SAXO5: variants seen among roughly 807,000 people sequenced by gnomAD.
The protein encoded by SAXO5 is stabilizer of axonemal microtubules 5, also known as testis expressed 45.
At chr19:7,501,534 G>A in the SAXO5 span, 15 of 1,061,548 alleles carry the variant, frequency 1.4e-5, no homozygotes, top group African/African-American at 5.1e-5. Flanking sequence ...TCAGGACTTG[G>A]GGGGTGGCCG....
chr19:7,501,242 C>T, the SAXO5 span: 2 of 1,555,816 alleles, frequency 1.3e-6, no homozygotes, highest in South Asian at 1.2e-5. Flanking sequence ...TGCCGGCGCG[C>T]ACCCGAGAGC....
chr19:7,504,330 T>G, the SAXO5 span: 3 of 1,614,178 alleles, frequency 1.9e-6, no homozygotes, highest in East Asian at 6.7e-5. Context: ...GGAGTGGAGC[T>G]GGGAGACTGC....
the SAXO5 span, chr19:7,504,435 CG>C: frequency 1.3e-6 from 2 of 1,588,316 alleles, no homozygotes; most frequent in Non-Finnish European, 8.6e-7. Flanking sequence ...ACTGCGGGCA[CG>C]GTGGCTCATG....
the SAXO5 span, chr19:7,506,170 G>C: frequency 6.3e-7 from 1 of 1,580,704 alleles, no homozygotes; most frequent in Non-Finnish European, 8.6e-7. Context: ...CGGGCGGTGA[G>C]CGCTCCCGGG....
the SAXO5 span, among the ~76,000 whole-genome samples, chr19:7,507,336 G>C: frequency 6.6e-6 from 1 of 152,042 alleles, no homozygotes; most frequent in Non-Finnish European, 1.5e-5. Flanking sequence ...TAATCCCAGC[G>C]CTTTGGGAGG....
the SAXO5 span, chr19:7,507,061 G>T: frequency 1.2e-6 from 2 of 1,613,868 alleles, no homozygotes; most frequent in South Asian, 2.2e-5. Context: ...TCCAGAATTC[G>T]ATTTTTTAAC....
At chr19:7,506,385 C>A in the SAXO5 span, 3 of 619,924 alleles carry the variant, frequency 4.8e-6, no homozygotes, top group Admixed American at 2.5e-5. Flanking sequence ...GGCTAAATCC[C>A]ACCCCCAATT....
At chr19:7,501,336 C>A in the SAXO5 span, 2 of 1,564,354 alleles carry the variant, frequency 1.3e-6, no homozygotes, top group South Asian at 1.1e-5. Context: ...GCCCACCACG[C>A]ACCAGGCGCT....
chr19:7,498,435 T>G, the SAXO5 span, among the ~76,000 whole-genome samples: 3 of 148,934 alleles, frequency 2.0e-5, no homozygotes, highest in African/African-American at 7.4e-5. Flanking sequence ...TCGCTCTTGT[T>G]GCCCAGGCTG....
the SAXO5 span, chr19:7,503,972 G>A: frequency 1.8e-6 from 1 of 566,212 alleles, no homozygotes; most frequent in South Asian, 2.7e-5. Context: ...TTATCTTTTG[G>A]TGTTTGCCAG....
At chr19:7,504,681 G>A in the SAXO5 span, among the ~76,000 whole-genome samples, 1 of 148,330 alleles carries the variant, frequency 6.7e-6, no homozygotes, top group East Asian at 2.0e-4. Flanking sequence ...ACTCCAGCCT[G>A]TTCGACAGAG....
chr19:7,506,242 G>T, the SAXO5 span: 1 of 585,760 alleles, frequency 1.7e-6, no homozygotes, highest in South Asian at 2.7e-5. Flanking sequence ...CGCCCCCATG[G>T]AGCCCCTCCC....
the SAXO5 span, chr19:7,505,994 C>T: frequency 2.9e-5 from 46 of 1,596,940 alleles, no homozygotes; most frequent in East Asian, 9.9e-4. Context: ...ACCCAGCCGC[C>T]ACGTGCCTCA....
At chr19:7,507,773 A>G in the SAXO5 span, among the ~76,000 whole-genome samples, 1 of 151,810 alleles carries the variant, frequency 6.6e-6, no homozygotes, top group Non-Finnish European at 1.5e-5. Flanking sequence ...CTTCTTATCC[A>G]GCTCCTCATT....
At chr19:7,508,136 C>G in the SAXO5 span, 1 of 1,340,742 alleles carries the variant, frequency 7.5e-7, no homozygotes, top group South Asian at 1.3e-5. Flanking sequence ...GCCTGGAGAT[C>G]CTGGGGTGGA....
the SAXO5 span, chr19:7,507,111 G>C: frequency 6.2e-7 from 1 of 1,613,868 alleles, no homozygotes; most frequent in Non-Finnish European, 8.5e-7. Flanking sequence ...GAACACCTCC[G>C]GCCCCGGTGA....
At chr19:7,498,362 T>C in the SAXO5 span, among the ~76,000 whole-genome samples, 111,367 of 148,950 alleles carry the variant, frequency 0.75, 42,390 homozygotes, top group African/African-American at 0.9. Context: ...AGGTGCATAC[T>C]ACCATGCCCA....
chr19:7,506,055 GCTT>G, the SAXO5 span: 23 of 1,613,876 alleles, frequency 1.4e-5, no homozygotes, highest in African/African-American at 2.4e-4. Context: ...CTACTCAAAC[GCTT>G]CTTCAAGACC....
the SAXO5 span, among the ~76,000 whole-genome samples, chr19:7,504,685 G>A: frequency 2.1e-4 from 31 of 144,910 alleles, no homozygotes; most frequent in Admixed American, 3.5e-4. Context: ...CAGCCTGTTC[G>A]ACAGAGCAAG....
Sources: allele counts gnomAD v4.1 joint callset (sites outside exome capture counted in the v4.1 genomes callset), GRCh38; gene constraint gnomAD v4.1.1; transcripts MANE v1.5; gene names NCBI Gene and HGNC (gene_info 2026-07-23, HGNC 2026-07-21).